The following BANK1 variants were observed in gnomAD, a reference collection of about 807,000 sequenced individuals.
BANK1 encodes the protein B cell scaffold protein with ankyrin repeats 1, also known as B-cell scaffold protein with ankyrin repeats.
Under a neutral mutation model 94.5 loss-of-function variants are expected in BANK1, and 95 were observed. The ratio of observed to expected loss-of-function variants is 1.00; its 90% CI spans 0.85 to 1.19. The LOEUF (loss-of-function observed/expected upper bound fraction) is 1.19, where lower values mean the gene tolerates loss of function less well. BANK1 is among the 50% of genes most tolerant of loss of function. The probability of loss-of-function intolerance (pLI) is 0.00; values close to 1 mark genes in which losing one functional copy is unlikely to be tolerated. For synonymous variants in BANK1, 334 were observed against 308.4 expected (o/e 1.08, Z -0.87); for missense variants, 987 against 932.2 (o/e 1.06, Z -0.77).
At chr4:102,048,426 T>C (rs1727950699) in intron 11 of BANK1, among the ~76,000 whole-genome samples, 1 of 152,136 alleles carries the variant, frequency 6.6e-6, no homozygotes, top group Admixed American at 6.6e-5. Context: ...GTTGCAGATA[T>C]TATGATCATT....
chr4:101,934,485 G>A (rs1012867748), intron 7 of BANK1, among the ~76,000 whole-genome samples: 5 of 151,456 alleles, frequency 3.3e-5, no homozygotes, highest in South Asian at 2.1e-4. Flanking sequence ...TGAGCAGTGA[G>A]AGCCTCCATC....
intron 7 of BANK1, among the ~76,000 whole-genome samples, chr4:101,966,567 C>G (rs544880408): frequency 1.3e-5 from 2 of 152,110 alleles, no homozygotes; most frequent in Non-Finnish European, 2.9e-5. Flanking sequence ...TTATCAAGGA[C>G]TTATGCCTTT....
chr4:101,959,050 C>A (rs1724473026), intron 7 of BANK1, among the ~76,000 whole-genome samples: 1 of 152,160 alleles, frequency 6.6e-6, no homozygotes, highest in African/African-American at 2.4e-5. Flanking sequence ...AGACACTATG[C>A]ACCAGGAAAA....
chr4:101,870,968 T>C (rs1728264710), intron 5 of BANK1, among the ~76,000 whole-genome samples: 1 of 152,064 alleles, frequency 6.6e-6, no homozygotes, highest in African/African-American at 2.4e-5. Flanking sequence ...ATTCCTTCTT[T>C]ATTCAGATCT....
chr4:101,915,481 C>T (rs1031763208), intron 6 of BANK1, among the ~76,000 whole-genome samples: 2 of 151,892 alleles, frequency 1.3e-5, no homozygotes, highest in African/African-American at 4.8e-5. Context: ...TAGGACATAA[C>T]CTATTCAACT....
At position 101,893,533 on chromosome 4, in the gene BANK1, A is replaced by T. The variant is rs146914546; in HGVS notation, c.904-1772A>T. ...TTTACAAACTAATGTTATGATTTTC[A>T]TATATTTAAAATTTCTTTCATCAGT... is the stretch of plus-strand genomic sequence containing the variant. On this transcript the variant is annotated intron_variant, in intron 5 of 16. Transcript: ENST00000322953. Among the ~76,000 whole-genome samples the T allele has an allele frequency of 9.5e-4, 144 of 152,200 alleles. 1 individual carries two copies. The highest frequency in any genetic ancestry group is 6.8e-3 in the Middle Eastern group (2 of 294).
At chr4:101,959,669 G>C (rs564883615) in intron 7 of BANK1, among the ~76,000 whole-genome samples, 1 of 152,336 alleles carries the variant, frequency 6.6e-6, no homozygotes, top group African/African-American at 2.4e-5. Flanking sequence ...TGGAAAGGCA[G>C]TCTTACTGGT....
intron 11 of BANK1, among the ~76,000 whole-genome samples, chr4:102,050,587 C>T (rs898369117): frequency 7.2e-5 from 11 of 152,010 alleles, no homozygotes; most frequent in African/African-American, 2.7e-4. Flanking sequence ...AGCAATAATC[C>T]ACACAATACA....
intron 12 of BANK1, 59 bp from the exon 13 acceptor site, chr4:102,063,016 C>A: frequency 7.2e-7 from 1 of 1,379,792 alleles, no homozygotes; most frequent in Non-Finnish European, 1.0e-6. Flanking sequence ...TTGATGTTTT[C>A]ATCTTGATCC....
chr4:102,043,944 A>G, intron 11 of BANK1, 37 bp downstream of exon 11: 1 of 1,268,778 alleles, frequency 7.9e-7, no homozygotes, highest in African/African-American at 1.5e-5. Flanking sequence ...AGTAATCTCT[A>G]GGTAAAATAT....
intron 7 of BANK1, among the ~76,000 whole-genome samples, chr4:101,976,339 T>C (rs2148925324): frequency 6.6e-6 from 1 of 152,230 alleles, no homozygotes; most frequent in South Asian, 2.1e-4. Flanking sequence ...GACTTTCCTG[T>C]GAAGTGGGAA....
intron 13 of BANK1, among the ~76,000 whole-genome samples, chr4:102,063,911 A>C (rs1413336179): frequency 1.3e-5 from 2 of 152,152 alleles, no homozygotes; most frequent in African/African-American, 2.4e-5. Context: ...AATTGTCAAC[A>C]TGTGTATCAT....
intron 7 of BANK1, among the ~76,000 whole-genome samples, chr4:101,920,692 CCTAA>C (rs891267385): frequency 2.0e-5 from 3 of 151,902 alleles, no homozygotes; most frequent in Non-Finnish European, 4.4e-5. Context: ...ATATTTTGCT[CCTAA>C]CTAATTTACT....
At chr4:102,066,228 C>A (rs756909950) in intron 13 of BANK1, among the ~76,000 whole-genome samples, 3 of 149,808 alleles carry the variant, frequency 2.0e-5, no homozygotes, top group East Asian at 3.9e-4. Flanking sequence ...TTATCAGAAA[C>A]AATGGAGGAT....
chr4:101,792,361 A>G (rs1246659015), intron 1 of BANK1, among the ~76,000 whole-genome samples: 2 of 146,642 alleles, frequency 1.4e-5, no homozygotes, highest in Non-Finnish European at 3.0e-5. Flanking sequence ...AACTTTTCTA[A>G]AAACGAATTG....
chr4:102,051,088 T>G (rs2148959473), intron 11 of BANK1, among the ~76,000 whole-genome samples: 1 of 152,284 alleles, frequency 6.6e-6, no homozygotes, highest in Admixed American at 6.5e-5. Flanking sequence ...GCTGTAGCAC[T>G]TTGATAAATG....
At chr4:101,848,733 C>T (rs955395183) in intron 2 of BANK1, among the ~76,000 whole-genome samples, 2 of 152,162 alleles carry the variant, frequency 1.3e-5, no homozygotes, top group African/African-American at 4.8e-5. Flanking sequence ...CAGAACAAAA[C>T]AATTCTATTG....
chr4:101,864,300 C>G (rs960485875), intron 4 of BANK1, among the ~76,000 whole-genome samples: 4 of 152,166 alleles, frequency 2.6e-5, no homozygotes, highest in African/African-American at 7.2e-5. Context: ...GAAATGGGCC[C>G]AGAGCCTTAT....
At chr4:101,840,335 A>G (rs988127501) in intron 2 of BANK1, among the ~76,000 whole-genome samples, 3 of 152,156 alleles carry the variant, frequency 2.0e-5, no homozygotes, top group Non-Finnish European at 4.4e-5. Context: ...ATTATGGACA[A>G]TAATTTTTAA....
Sources: allele counts gnomAD v4.1 joint callset (sites outside exome capture counted in the v4.1 genomes callset), GRCh38; gene constraint gnomAD v4.1.1; transcripts MANE v1.5; gene names NCBI Gene and HGNC (gene_info 2026-07-23, HGNC 2026-07-21).